Variants in ZFPM2 observed in about 807,000 individuals in gnomAD.
ZFPM2 encodes the protein zinc finger protein ZFPM2.
ZFPM2 carries 20 observed loss-of-function variants against 98.6 expected under a neutral mutation model. That is an observed-to-expected ratio of 0.20 (90% CI 0.14 to 0.29). ZFPM2 has a LOEUF of 0.29. Among genes scored for constraint, ZFPM2 ranks in the 10% least tolerant of loss-of-function variants. ZFPM2 has a pLI of 1.00. For synonymous variants in ZFPM2, 518 were observed against 502.7 expected (o/e 1.03, Z -0.41); for missense variants, 1,310 against 1,388.6 (o/e 0.94, Z 0.90).
At chr8:105,619,415 CAT>C (rs1487024157) in intron 4 of ZFPM2, among the ~76,000 whole-genome samples, 1 of 151,816 alleles carries the variant, frequency 6.6e-6, no homozygotes, top group African/African-American at 2.4e-5. Flanking sequence ...AAATGTAACT[CAT>C]ATTTCATCTC....
chr8:105,321,700 G>A (rs564852536), intron 1 of ZFPM2, among the ~76,000 whole-genome samples: 8 of 151,992 alleles, frequency 5.3e-5, no homozygotes, highest in African/African-American at 1.9e-4. Context: ...GGTGCTCTCC[G>A]GGCAGCGATA....
At chr8:105,445,693 C>T (rs1391490937) in intron 3 of ZFPM2, among the ~76,000 whole-genome samples, 1 of 150,966 alleles carries the variant, frequency 6.6e-6, no homozygotes, top group South Asian at 2.1e-4. Flanking sequence ...CAGCCTCCAC[C>T]TCCCAGCCTC....
chr8:105,322,807 G>A (rs1284580789), intron 1 of ZFPM2, among the ~76,000 whole-genome samples: 1 of 152,016 alleles, frequency 6.6e-6, no homozygotes, highest in South Asian at 2.1e-4. Flanking sequence ...TTAGCAGTTC[G>A]GTAGAGGGTC....
chr8:105,587,541 T>G (rs2130756901), intron 4 of ZFPM2, among the ~76,000 whole-genome samples: 1 of 152,316 alleles, frequency 6.6e-6, no homozygotes, highest in Admixed American at 6.5e-5. Flanking sequence ...GTTCAAATGC[T>G]GAATGCTCCT....
rs747482643 is a variant in ZFPM2, at chr8:105,801,920, C to A, written c.1838C>A (p.Ser613Tyr). 6.2e-7 allele frequency: 1 copy of A among 1,613,966 alleles called. No homozygotes were observed. Among genetic ancestry groups the A allele is most frequent in the Non-Finnish European group, 8.5e-7 (1 of 1,179,874 alleles). ...AACCTTCTCAACCCAGCTGCTCATT[C>A]TGCTGATCCTGAGAATCCACTTCTT... ...SINLLNPAAH[S>Y]ADPENPLLQT... The change falls in exon 8 of 8, where the codon TCT (serine) becomes TAT (tyrosine). Residue 613 changes from serine to tyrosine, a missense_variant. Physicochemically the swap from Ser to Tyr is moderately radical, Grantham distance 144. Coordinates refer to ENST00000407775, the MANE Select transcript of ZFPM2 (RefSeq NM_012082.4).
intron 3 of ZFPM2, among the ~76,000 whole-genome samples, chr8:105,468,304 T>C (rs185180667): frequency 1.3e-5 from 2 of 152,234 alleles, no homozygotes; most frequent in Admixed American, 1.3e-4. Context: ...CAAATTGCAC[T>C]TGTGGCCATT....
chr8:105,766,202 T>C (rs1316597861), intron 5 of ZFPM2, among the ~76,000 whole-genome samples: 1 of 151,916 alleles, frequency 6.6e-6, no homozygotes, highest in Non-Finnish European at 1.5e-5. Flanking sequence ...ACCAGCAATA[T>C]TTATGAAAAG....
chr8:105,618,630 G>T (rs1444408390), intron 4 of ZFPM2, among the ~76,000 whole-genome samples: 2 of 152,136 alleles, frequency 1.3e-5, no homozygotes, highest in Non-Finnish European at 2.9e-5. Flanking sequence ...CATATCCAGT[G>T]CTGCTTAAGC....
chr8:105,683,304 G>T (rs958406631), intron 5 of ZFPM2, among the ~76,000 whole-genome samples: 2 of 152,104 alleles, frequency 1.3e-5, no homozygotes, highest in Admixed American at 6.6e-5. Flanking sequence ...AGGAGCAGTG[G>T]TTTTCTGGTT....
chr8:105,768,814 C>CA (rs1256687070), intron 5 of ZFPM2, among the ~76,000 whole-genome samples: 1 of 145,632 alleles, frequency 6.9e-6, no homozygotes, highest in African/African-American at 2.8e-5. Context: ...CATGTGAAAA[C>CA]AAATACATAC....
chr8:105,563,934 T>C (rs181685085), intron 4 of ZFPM2, among the ~76,000 whole-genome samples: 148 of 152,264 alleles, frequency 9.7e-4, no homozygotes, highest in African/African-American at 2.8e-3. Flanking sequence ...ATATATTTAC[T>C]AAAATGCTAT....
At chr8:105,653,246 C>T (rs1817215382) in intron 5 of ZFPM2, among the ~76,000 whole-genome samples, 1 of 152,038 alleles carries the variant, frequency 6.6e-6, no homozygotes, top group African/African-American at 2.4e-5. Context: ...TGATTTTGCA[C>T]ACATCCAGTA....
intron 5 of ZFPM2, among the ~76,000 whole-genome samples, chr8:105,670,314 G>T (rs1372410867): frequency 2.0e-5 from 3 of 151,826 alleles, no homozygotes; most frequent in Non-Finnish European, 4.4e-5. Context: ...GGCTAACACG[G>T]TGAAACCCCA....
intron 4 of ZFPM2, among the ~76,000 whole-genome samples, chr8:105,614,654 G>C (rs1351196189): frequency 2.0e-5 from 3 of 151,998 alleles, no homozygotes; most frequent in Non-Finnish European, 4.4e-5. Context: ...GCTGTTTGTC[G>C]AGTCTTATTG....
chr8:105,577,865 A>G (rs757318401), intron 4 of ZFPM2, among the ~76,000 whole-genome samples: 14 of 151,906 alleles, frequency 9.2e-5, no homozygotes, highest in Non-Finnish European at 1.0e-4. Context: ...TTATTTCACT[A>G]TTGTGCATTG....
At chr8:105,664,310 T>A (rs1817448269) in intron 5 of ZFPM2, among the ~76,000 whole-genome samples, 1 of 147,156 alleles carries the variant, frequency 6.8e-6, no homozygotes, top group Admixed American at 6.9e-5. Flanking sequence ...ACTGATTTAA[T>A]CATAAAATTC....
At chr8:105,618,779 G>A (rs1369784893) in intron 4 of ZFPM2, among the ~76,000 whole-genome samples, 2 of 152,126 alleles carry the variant, frequency 1.3e-5, no homozygotes, top group Admixed American at 1.3e-4. Context: ...GCTATGTAGT[G>A]ATGGTGATGC....
intron 4 of ZFPM2, among the ~76,000 whole-genome samples, chr8:105,586,019 GTGTGTGT>G (rs1815707166): frequency 6.6e-6 from 1 of 151,300 alleles, no homozygotes; most frequent in South Asian, 2.1e-4. Context: ...GTGTGTGTGT[GTGTGTGT>G]GTGTGTGTGT....
At chr8:105,648,298 A>G (rs1035378715) in intron 5 of ZFPM2, among the ~76,000 whole-genome samples, 2 of 152,112 alleles carry the variant, frequency 1.3e-5, no homozygotes, top group African/African-American at 4.8e-5. Flanking sequence ...AGATGAGTAG[A>G]TTGCAAAAAT....
Sources: gnomAD v4.1 joint callset for allele counts (sites outside exome capture counted in the v4.1 genomes callset) on GRCh38, gnomAD v4.1.1 for gene constraint, MANE v1.5 for transcripts, NCBI Gene and HGNC (gene_info 2026-07-23, HGNC 2026-07-21) for gene names.